Variants in FTCDNL1 observed in about 807,000 individuals in gnomAD.
FTCDNL1 encodes formiminotransferase cyclodeaminase N-terminal like.
FTCDNL1 carries 11 observed loss-of-function variants against 5.9 expected under a neutral mutation model. The ratio of observed to expected loss-of-function variants is 1.87; its 90% CI spans 1.18 to 3.10. The LOEUF is 3.10. Ranked by LOEUF, FTCDNL1 falls within the 30% of genes most tolerant of loss-of-function variation. The pLI, the probability that FTCDNL1 is intolerant of heterozygous loss-of-function variation, is 0.00. For synonymous variants in FTCDNL1, 58 were observed against 24.8 expected (o/e 2.34, Z -3.99); for missense variants, 115 against 65.5 (o/e 1.76, Z -2.61).
chr2:199,689,710 C>A, the FTCDNL1 span, among the ~76,000 whole-genome samples: 1 of 150,888 alleles, frequency 6.6e-6, no homozygotes, highest in African/African-American at 2.4e-5. Flanking sequence ...ACTCGGGAGG[C>A]TGAGGCAGGA....
the FTCDNL1 span, among the ~76,000 whole-genome samples, chr2:199,749,944 C>G: frequency 6.6e-6 from 1 of 151,672 alleles, no homozygotes; most frequent in African/African-American, 2.4e-5. Flanking sequence ...ATGGACACCC[C>G]ATTTACCCTG....
chr2:199,751,450 T>C, the FTCDNL1 span, among the ~76,000 whole-genome samples: 1 of 152,182 alleles, frequency 6.6e-6, no homozygotes, highest in South Asian at 2.1e-4. Flanking sequence ...TGACTGTCCA[T>C]TCAACATCTG....
chr2:199,794,629 A>G lies in FTCDNL1; in HGVS notation c.212-33794T>C, dbSNP rs145751689. 2.5e-3 allele frequency among the ~76,000 whole-genome samples: 382 copies of G among 152,252 alleles called. 5 individuals carry two copies. Among genetic ancestry groups the G allele is most frequent in the African/African-American group, 8.7e-3 (360 of 41,566 alleles). ...GCAGTGGCTCATGCCTGTAATCCCA[A>G]CACTTAGGGAGGCTAAGGCAAGTGG... On this transcript the variant is annotated intron_variant, in intron 3 of 3. Coordinates refer to the FTCDNL1 transcript ENST00000416668.
chr2:199,779,604 A>T (rs1404105659), intron 3 of FTCDNL1, among the ~76,000 whole-genome samples: 1 of 152,190 alleles, frequency 6.6e-6, no homozygotes, highest in Non-Finnish European at 1.5e-5. Context: ...GAACCCCTGC[A>T]AAAAAGCGAT....
chr2:199,679,554 G>T, the FTCDNL1 span, among the ~76,000 whole-genome samples: 1 of 151,874 alleles, frequency 6.6e-6, no homozygotes, highest in Non-Finnish European at 1.5e-5. Flanking sequence ...TATTTTGTGG[G>T]TGCCTGTGTT....
the FTCDNL1 span, among the ~76,000 whole-genome samples, chr2:199,681,132 G>A: frequency 6.6e-6 from 1 of 152,196 alleles, no homozygotes; most frequent in Admixed American, 6.5e-5. Context: ...TAAAAGGATG[G>A]CATGGTGTGG....
intron 3 of FTCDNL1, among the ~76,000 whole-genome samples, chr2:199,829,067 C>G (rs1292113845): frequency 6.6e-6 from 1 of 152,146 alleles, no homozygotes; most frequent in African/African-American, 2.4e-5. Context: ...CTTTGTTAGA[C>G]AAGGCATATA....
chr2:199,759,244 T>C (rs1698177433), downstream of FTCDNL1, among the ~76,000 whole-genome samples: 1 of 151,104 alleles, frequency 6.6e-6, no homozygotes, highest in Non-Finnish European at 1.5e-5. Flanking sequence ...GTGAAAATAC[T>C]GGGATTAGGA....
At chr2:199,689,159 T>C in the FTCDNL1 span, among the ~76,000 whole-genome samples, 2 of 152,216 alleles carry the variant, frequency 1.3e-5, no homozygotes, top group Non-Finnish European at 2.9e-5. Flanking sequence ...AAAGAATTGA[T>C]ATGACAATGT....
At chr2:199,799,337 G>A (rs1009060392) in intron 3 of FTCDNL1, among the ~76,000 whole-genome samples, 1 of 152,142 alleles carries the variant, frequency 6.6e-6, no homozygotes, top group Non-Finnish European at 1.5e-5. Flanking sequence ...ATCCTTCAGA[G>A]CTTAGTTGGC....
the FTCDNL1 span, among the ~76,000 whole-genome samples, chr2:199,746,673 G>A: frequency 6.6e-6 from 1 of 151,634 alleles, no homozygotes; most frequent in Non-Finnish European, 1.5e-5. Flanking sequence ...TCCTACTGAA[G>A]ACTAGCAAGA....
At chr2:199,761,560 T>C (rs1459112215) in intron 3 of FTCDNL1, among the ~76,000 whole-genome samples, 5 of 152,144 alleles carry the variant, frequency 3.3e-5, no homozygotes, top group African/African-American at 1.2e-4. Flanking sequence ...TGGAGACAAA[T>C]GAAACTGAGG....
the FTCDNL1 span, among the ~76,000 whole-genome samples, chr2:199,687,869 A>G: frequency 6.6e-6 from 1 of 152,202 alleles, no homozygotes; most frequent in South Asian, 2.1e-4. Context: ...TCCATTTTAC[A>G]GATGAGAAAA....
At chr2:199,694,154 T>C in the FTCDNL1 span, among the ~76,000 whole-genome samples, 1 of 152,170 alleles carries the variant, frequency 6.6e-6, no homozygotes, top group Non-Finnish European at 1.5e-5. Context: ...TGAGCAGTCT[T>C]AGGAAAGCTC....
chr2:199,701,412 T>C, the FTCDNL1 span, among the ~76,000 whole-genome samples: 1 of 148,998 alleles, frequency 6.7e-6, no homozygotes, highest in Non-Finnish European at 1.5e-5. Context: ...CTGGTGGGAA[T>C]GTAAATTAGT....
the FTCDNL1 span, among the ~76,000 whole-genome samples, chr2:199,716,514 G>A: frequency 6.6e-6 from 1 of 152,142 alleles, no homozygotes; most frequent in Admixed American, 6.5e-5. Context: ...AACGTGGAAG[G>A]CATATCCTGA....
At chr2:199,697,250 C>T in the FTCDNL1 span, among the ~76,000 whole-genome samples, 6 of 151,904 alleles carry the variant, frequency 3.9e-5, no homozygotes, top group Non-Finnish European at 5.9e-5. Flanking sequence ...CCAGCCTGGG[C>T]GACAGAGAGG....
the FTCDNL1 span, among the ~76,000 whole-genome samples, chr2:199,680,075 T>C: frequency 3.3e-5 from 5 of 152,126 alleles, no homozygotes; most frequent in Non-Finnish European, 7.4e-5. Flanking sequence ...GGCAGCTAGA[T>C]TGTAAAAAGG....
At chr2:199,833,006 G>A (rs978583472) in intron 3 of FTCDNL1, among the ~76,000 whole-genome samples, 2 of 147,444 alleles carry the variant, frequency 1.4e-5, no homozygotes, top group Admixed American at 6.8e-5. Flanking sequence ...GTCTTCCTCT[G>A]TTTCCCAGGC....
Sources: gnomAD v4.1 joint callset for allele counts (sites outside exome capture counted in the v4.1 genomes callset) on GRCh38, gnomAD v4.1.1 for gene constraint, MANE v1.5 for transcripts, NCBI Gene and HGNC (gene_info 2026-07-23, HGNC 2026-07-21) for gene names.